Variants in RPS6KC1 observed in about 807,000 individuals in gnomAD.
RPS6KC1 encodes inactive ribosomal protein S6 kinase delta-1.
RPS6KC1 carries 54 observed loss-of-function variants against 103.8 expected under a neutral mutation model. The ratio of observed to expected loss-of-function variants is 0.52; its 90% CI spans 0.42 to 0.65. The LOEUF (loss-of-function observed/expected upper bound fraction) is 0.65, where lower values mean the gene tolerates loss of function less well. RPS6KC1 is among the 30% of genes least tolerant of loss of function. RPS6KC1 has a pLI of 0.00. For synonymous variants in RPS6KC1, 439 were observed against 438.7 expected, an observed-to-expected ratio of 1.00 and a Z score of -0.01; for missense variants, 1,151 against 1,253.8, an observed-to-expected ratio of 0.92 and a Z score of 1.24.
chr1:213,173,908 A>G (rs975514405), intron 7 of RPS6KC1, among the ~76,000 whole-genome samples: 1 of 152,142 alleles, frequency 6.6e-6, no homozygotes, highest in African/African-American at 2.4e-5. Flanking sequence ...TGCCAAAGTG[A>G]ACAAATAACT....
At chr1:213,080,854 C>T (rs1478206276) in intron 3 of RPS6KC1, among the ~76,000 whole-genome samples, 16 of 152,158 alleles carry the variant, frequency 1.1e-4, no homozygotes, top group Non-Finnish European at 4.4e-5. Flanking sequence ...CGTGAGCCAC[C>T]GCACCCTGCC....
the RPS6KC1 span, among the ~76,000 whole-genome samples, chr1:213,618,143 T>G: frequency 6.6e-6 from 1 of 152,216 alleles, no homozygotes; most frequent in Non-Finnish European, 1.5e-5. Flanking sequence ...TTATTTTCCC[T>G]TCCAAAAGGT....
intron 1 of RPS6KC1, among the ~76,000 whole-genome samples, chr1:213,059,785 G>A (rs566612457): frequency 2.0e-5 from 3 of 152,094 alleles, no homozygotes; most frequent in African/African-American, 7.2e-5. Flanking sequence ...CAATTCTCTT[G>A]CCTCAGCCTC....
the RPS6KC1 span, among the ~76,000 whole-genome samples, chr1:213,401,941 C>A: frequency 6.6e-6 from 1 of 152,028 alleles, no homozygotes; most frequent in South Asian, 2.1e-4. Flanking sequence ...TGTGTGCCAC[C>A]ATGCTTGGCT....
the RPS6KC1 span, among the ~76,000 whole-genome samples, chr1:213,813,808 C>T: frequency 6.4e-4 from 98 of 152,256 alleles, no homozygotes; most frequent in Middle Eastern, 3.4e-3. Flanking sequence ...ACAGCAAGCT[C>T]GTCTCTGGGA....
At chr1:213,229,382 A>G (rs2094035630) in intron 8 of RPS6KC1, among the ~76,000 whole-genome samples, 1 of 151,318 alleles carries the variant, frequency 6.6e-6, no homozygotes, top group Non-Finnish European at 1.5e-5. Context: ...GGGCTGGTAA[A>G]TGTTTGACAG....
the RPS6KC1 span, among the ~76,000 whole-genome samples, chr1:213,436,798 C>T: frequency 2.0e-5 from 3 of 152,184 alleles, no homozygotes; most frequent in East Asian, 5.8e-4. Flanking sequence ...TTCAAAATTT[C>T]ATTTTCTAGT....
chr1:213,317,483 C>G, the RPS6KC1 span, among the ~76,000 whole-genome samples: 13 of 152,324 alleles, frequency 8.5e-5, no homozygotes, highest in Admixed American at 5.9e-4. Flanking sequence ...GACACAAATC[C>G]TATCAGTGAT....
intron 3 of RPS6KC1, among the ~76,000 whole-genome samples, chr1:213,080,471 C>T (rs1023435384): frequency 5.7e-4 from 87 of 152,184 alleles, no homozygotes; most frequent in Non-Finnish European, 1.9e-4. Context: ...TATAGTTTAA[C>T]ATTTGTCAAA....
chr1:213,621,320 G>C, the RPS6KC1 span, among the ~76,000 whole-genome samples: 1 of 151,784 alleles, frequency 6.6e-6, no homozygotes, highest in Admixed American at 6.6e-5. Context: ...CTGAGAAACA[G>C]GGACCCACGC....
At chr1:213,527,581 CT>C in the RPS6KC1 span, among the ~76,000 whole-genome samples, 3 of 152,178 alleles carry the variant, frequency 2.0e-5, no homozygotes, top group South Asian at 6.2e-4. Flanking sequence ...ATGGAGAGTG[CT>C]CCAAAGAAAC....
chr1:213,694,217 C>T, the RPS6KC1 span, among the ~76,000 whole-genome samples: 2 of 152,224 alleles, frequency 1.3e-5, no homozygotes, highest in East Asian at 3.9e-4. Flanking sequence ...GAGAATTCTG[C>T]TTTTTCAACT....
chr1:213,817,652 T>TTA, the RPS6KC1 span: 2 of 152,220 alleles, frequency 1.3e-5, no homozygotes, highest in African/African-American at 4.8e-5. Flanking sequence ...GATAGGAATG[T>TTA]TAGTCCCAGA....
chr1:213,067,845 G>A (rs2078465970), intron 1 of RPS6KC1, among the ~76,000 whole-genome samples: 1 of 152,280 alleles, frequency 6.6e-6, no homozygotes, highest in South Asian at 2.1e-4. Flanking sequence ...GTTAGGGGAT[G>A]GCTAATGTGT....
the RPS6KC1 span, among the ~76,000 whole-genome samples, chr1:213,578,260 A>G: frequency 1.3e-5 from 2 of 152,226 alleles, no homozygotes; most frequent in African/African-American, 4.8e-5. Context: ...GGATGTATGG[A>G]AACACCTGAA....
chr1:213,275,876 C>T (rs368519181), downstream of RPS6KC1, among the ~76,000 whole-genome samples: 1 of 152,210 alleles, frequency 6.6e-6, no homozygotes, highest in Non-Finnish European at 1.5e-5. Flanking sequence ...ACCTCATTCT[C>T]CCCTGGCCCG....
the RPS6KC1 span, among the ~76,000 whole-genome samples, chr1:213,535,406 A>C: frequency 6.6e-6 from 1 of 152,210 alleles, no homozygotes; most frequent in Non-Finnish European, 1.5e-5. Flanking sequence ...GGAAAGGAGA[A>C]AGCATAATAA....
chr1:213,116,992 G>C (rs949838084), intron 4 of RPS6KC1, among the ~76,000 whole-genome samples: 44 of 151,582 alleles, frequency 2.9e-4, no homozygotes, highest in Non-Finnish European at 5.0e-4. Flanking sequence ...AACATTTTTT[G>C]AATTTTAAAA....
At chr1:213,655,908 C>T in the RPS6KC1 span, among the ~76,000 whole-genome samples, 1 of 152,160 alleles carries the variant, frequency 6.6e-6, no homozygotes, top group Non-Finnish European at 1.5e-5. Flanking sequence ...CAGAAGTCCT[C>T]CCTAAGCCTC....
Sources: allele counts gnomAD v4.1 joint callset (sites outside exome capture counted in the v4.1 genomes callset), GRCh38; gene constraint gnomAD v4.1.1; transcripts MANE v1.5; gene names NCBI Gene and HGNC (gene_info 2026-07-23, HGNC 2026-07-21).